The following DDR2 variants were observed in gnomAD, a reference collection of about 807,000 sequenced individuals.
The protein encoded by DDR2 is discoidin domain-containing receptor 2.
Under a neutral mutation model 94.9 loss-of-function variants are expected in DDR2, and 27 were observed. The observed-to-expected ratio is 0.28, with a 90% CI of 0.21 to 0.39. DDR2 has a LOEUF of 0.39. DDR2 is among the 10% of genes least tolerant of loss of function. The probability of loss-of-function intolerance (pLI) is 1.00; values close to 1 mark genes in which losing one functional copy is unlikely to be tolerated. For missense variants in DDR2, 783 were observed against 1,076.0 expected (o/e 0.73, Z 3.81); for synonymous variants, 382 against 377.2 (o/e 1.01, Z -0.15).
At chr1:162,730,762 C>T (rs1662000327) in intron 3 of DDR2, among the ~76,000 whole-genome samples, 2 of 152,190 alleles carry the variant, frequency 1.3e-5, no homozygotes, top group South Asian at 4.1e-4. Context: ...TCCTGTCCGA[C>T]TCTCAAAAAA....
rs1571296504 is a variant in DDR2, at chr1:162,755,518, G to A, written c.566-146G>A. ...GAGTCATTACGTTGACTGCCATGGAGGGGCACTCCTCCAAAGTCTTCCCTC... is the reference window on the plus strand; with the variant it reads ...GAGTCATTACGTTGACTGCCATGGAAGGGCACTCCTCCAAAGTCTTCCCTC... On this transcript the variant is annotated intron_variant, in intron 6 of 17. Coordinates refer to ENST00000367921, the MANE Select transcript of DDR2 (RefSeq NM_006182.4). 12 of 1,010,118 alleles carry A rather than the reference G, an allele frequency of 1.2e-5. No homozygotes were observed. In the East Asian group the frequency reaches 2.9e-4, roughly 25 times the overall value. 62.6% of individuals were successfully genotyped at this position (1,010,118 alleles called of 1,614,324 possible).
chr1:162,785,059 C>G lies in DDR2; in HGVS notation c.*4813C>G, dbSNP rs1266990975. On this transcript the variant is annotated 3_prime_UTR_variant, in exon 18 of 18. Transcript: ENST00000367921. The stretch of plus-strand genomic sequence containing the variant: ...TGTGTTCCTTTGTCATGAGCAATAC[C>G]CTGCCTACACTGCTTCTAAATTTTC... 6.6e-6 allele frequency: 1 copy of G among 152,092 alleles called. No homozygotes were observed. Among genetic ancestry groups the G allele is most frequent in the East Asian group, 1.9e-4 (1 of 5,196 alleles). 9.4% of individuals were successfully genotyped at this position (152,092 alleles called of 1,614,324 possible). A position where few individuals can be genotyped will look rare whatever the true frequency, so the allele number is the denominator to read the frequency against.
At chr1:162,711,214 G>T (rs1372163249) in intron 2 of DDR2, among the ~76,000 whole-genome samples, 1 of 152,148 alleles carries the variant, frequency 6.6e-6, no homozygotes, top group African/African-American at 2.4e-5. Flanking sequence ...GAAAAGATTT[G>T]CTATTCAAAG....
chr1:162,700,733 C>G (rs1240954850), intron 2 of DDR2, among the ~76,000 whole-genome samples: 1 of 152,120 alleles, frequency 6.6e-6, no homozygotes, highest in African/African-American at 2.4e-5. Flanking sequence ...GGGGTCACAG[C>G]AAGACTTTGG....
intron 2 of DDR2, among the ~76,000 whole-genome samples, chr1:162,665,657 A>G (rs775420516): frequency 1.3e-5 from 2 of 152,052 alleles, no homozygotes; most frequent in African/African-American, 2.4e-5. Context: ...TTGAATAAAA[A>G]GTCAACTCCA....
intron 16 of DDR2, among the ~76,000 whole-genome samples, chr1:162,778,266 T>G (rs1320279942): frequency 6.6e-6 from 1 of 152,194 alleles, no homozygotes; most frequent in Non-Finnish European, 1.5e-5. Context: ...CATTCAGATT[T>G]TGCCTTTCTC....
chr1:162,699,258 TAA>T (rs1482025354), intron 2 of DDR2, among the ~76,000 whole-genome samples: 1 of 152,254 alleles, frequency 6.6e-6, no homozygotes, highest in Non-Finnish European at 1.5e-5. Flanking sequence ...GTTAGCATTA[TAA>T]ATCTGAACAC....
At chr1:162,751,786 G>T (rs1663211686) in intron 3 of DDR2, among the ~76,000 whole-genome samples, 2 of 152,288 alleles carry the variant, frequency 1.3e-5, no homozygotes, top group African/African-American at 4.8e-5. Context: ...AGAAAATGTG[G>T]CACATATACA....
chr1:162,639,027 G>A (rs746898287), intron 1 of DDR2, among the ~76,000 whole-genome samples: 4 of 151,502 alleles, frequency 2.6e-5, no homozygotes, highest in African/African-American at 2.4e-5. Context: ...GTGCAGTGGC[G>A]CAATCTCGGC....
In DDR2 at chr1:162,760,177, A is replaced by G. The variant is rs141404957; in HGVS notation, c.855+198A>G. Among the ~76,000 whole-genome samples the G allele has an allele frequency of 2.4e-3, 359 of 152,292 alleles. 3 individuals are homozygous for G. The highest frequency in any genetic ancestry group is 8.3e-3 in the African/African-American group (343 of 41,572). ...CATTTGTGTGTAAGGGAGTTAGAAT[A>G]GGTCAGTGAGCTCTCTTTTTTTTGT... On this transcript the variant is annotated intron_variant, in intron 8 of 17. Coordinates refer to ENST00000367921, the MANE Select transcript of DDR2 (RefSeq NM_006182.4).
At chr1:162,767,483 C>A in intron 11 of DDR2, 124 bp downstream of exon 11, 2 of 1,397,178 alleles carry the variant, frequency 1.4e-6, no homozygotes, top group Non-Finnish European at 2.0e-6. Flanking sequence ...CTGAGGCTAC[C>A]AAGAAACATA....
intron 2 of DDR2, among the ~76,000 whole-genome samples, chr1:162,671,190 T>A (rs922408762): frequency 6.6e-6 from 1 of 151,970 alleles, no homozygotes; most frequent in Non-Finnish European, 1.5e-5. Flanking sequence ...GAGGAGAAGG[T>A]CGTGGGGCAC....
chr1:162,646,998 T>C (rs887469675), intron 1 of DDR2, among the ~76,000 whole-genome samples: 2 of 152,120 alleles, frequency 1.3e-5, no homozygotes, highest in Non-Finnish European at 1.5e-5. Context: ...GTCAAATAAG[T>C]AAAAGAATGA....
chr1:162,665,985 T>C (rs1051220449), intron 2 of DDR2, among the ~76,000 whole-genome samples: 2 of 152,176 alleles, frequency 1.3e-5, no homozygotes, highest in Non-Finnish European at 2.9e-5. Context: ...CCTTCAAATT[T>C]CCACAAATGC....
intron 1 of DDR2, among the ~76,000 whole-genome samples, chr1:162,647,015 G>T (rs1212082124): frequency 6.6e-6 from 1 of 152,094 alleles, no homozygotes; most frequent in Non-Finnish European, 1.5e-5. Flanking sequence ...ATGAATGAAG[G>T]GGCAATTGTC....
At position 162,784,119 on chromosome 1, in the gene DDR2, G is replaced by A. The variant is rs1371490469; in HGVS notation, c.*3873G>A. On this transcript the variant is annotated 3_prime_UTR_variant, in exon 18 of 18. Transcript: ENST00000367921. ...GCACAAACAGATATGCACCATGTTGGAAACATGTGTTTTCCTAGTCCCATC... is the reference window on the plus strand; with the variant it reads ...GCACAAACAGATATGCACCATGTTGAAAACATGTGTTTTCCTAGTCCCATC... 6.6e-6 allele frequency: 1 copy of A among 152,164 alleles called. No individual in the cohort carries two copies. The highest frequency in any genetic ancestry group is 1.5e-5 in the Non-Finnish European group (1 of 68,032). 9.4% of individuals were successfully genotyped at this position (152,164 alleles called of 1,614,324 possible).
At chr1:162,772,700 A>G (rs1020268005) in intron 13 of DDR2, among the ~76,000 whole-genome samples, 1 of 152,162 alleles carries the variant, frequency 6.6e-6, no homozygotes, top group African/African-American at 2.4e-5. Flanking sequence ...ATCAGCCACT[A>G]GGGAATGAAT....
At chr1:162,636,905 A>G (rs570312117) in intron 1 of DDR2, among the ~76,000 whole-genome samples, 1 of 152,198 alleles carries the variant, frequency 6.6e-6, no homozygotes, top group African/African-American at 2.4e-5. Context: ...ATCCAAAAAA[A>G]CATGAAACAA....
Position 162,676,803 on chromosome 1 carries a change from A to T in DDR2, c.-28+21429A>T, listed in dbSNP as rs1659149833. Among the ~76,000 whole-genome samples the T allele has an allele frequency of 7.2e-5, 11 of 152,314 alleles. No homozygotes were observed. In the South Asian group the frequency reaches 2.1e-3, roughly 29 times the overall value. ...ATGACGGAAGTGAGGCTCACTAAGG[A>T]TAAGTAACCTGCCAAGTTGCACAGC... On this transcript the variant is annotated intron_variant, in intron 2 of 17. Transcript: ENST00000367921.
Sources: gnomAD v4.1 joint callset for allele counts (sites outside exome capture counted in the v4.1 genomes callset) on GRCh38, gnomAD v4.1.1 for gene constraint, MANE v1.5 for transcripts, NCBI Gene and HGNC (gene_info 2026-07-23, HGNC 2026-07-21) for gene names.